Variants in ENTPD1 observed in about 807,000 individuals in gnomAD.
ENTPD1 encodes the protein ATP diphosphohydrolase.
ENTPD1 carries 33 observed loss-of-function variants against 57.0 expected under a neutral mutation model. The observed-to-expected ratio is 0.58, with a 90% CI of 0.44 to 0.77. The LOEUF is 0.77. ENTPD1 is among the 30% of genes least tolerant of loss of function. ENTPD1 has a pLI of 0.00. For missense variants in ENTPD1, 501 were observed against 603.4 expected (o/e 0.83, Z 1.78); for synonymous variants, 202 against 218.8 (o/e 0.92, Z 0.68).
chr10:95,705,808 A>G, the ENTPD1 span, among the ~76,000 whole-genome samples: 1 of 152,216 alleles, frequency 6.6e-6, no homozygotes, highest in Non-Finnish European at 1.5e-5. Context: ...GACAATCTAA[A>G]TGATAATCGT....
chr10:95,861,835 A>C (rs986316192), intron 8 of ENTPD1, among the ~76,000 whole-genome samples: 2 of 151,998 alleles, frequency 1.3e-5, no homozygotes, highest in Non-Finnish European at 2.9e-5. Flanking sequence ...TCTACTAAAA[A>C]TACAAAAAAA....
At chr10:95,731,671 A>G (rs1489450283) in intron 1 of ENTPD1, among the ~76,000 whole-genome samples, 1 of 151,258 alleles carries the variant, frequency 6.6e-6, no homozygotes, top group African/African-American at 2.4e-5. Flanking sequence ...TGTATTCTAC[A>G]CCTGTTTCCC....
chr10:95,717,597 C>T (rs2097972957), intron 1 of ENTPD1, among the ~76,000 whole-genome samples: 1 of 152,226 alleles, frequency 6.6e-6, no homozygotes, highest in East Asian at 1.9e-4. Context: ...AGTTGCAAGC[C>T]CCGTGTTTAA....
At chr10:95,729,323 A>G (rs150734160) in intron 1 of ENTPD1, among the ~76,000 whole-genome samples, 3 of 152,334 alleles carry the variant, frequency 2.0e-5, no homozygotes, top group African/African-American at 7.2e-5. Context: ...AGAGATTTTT[A>G]GAAAGTAATT....
chr10:95,853,945 A>C (rs545646270), intron 7 of ENTPD1, among the ~76,000 whole-genome samples: 4 of 152,348 alleles, frequency 2.6e-5, no homozygotes, highest in Admixed American at 6.5e-5. Context: ...TGCTGGCCTC[A>C]TAAAATGAGT....
At chr10:95,783,091 A>C (rs1297891499) in intron 1 of ENTPD1, among the ~76,000 whole-genome samples, 2 of 152,052 alleles carry the variant, frequency 1.3e-5, no homozygotes, top group African/African-American at 2.4e-5. Context: ...TTCTTTGAGG[A>C]TCAAAAAAGA....
rs202083137 is a variant in ENTPD1 at position 95,814,405 on chromosome 10, T to TCATTAA, written c.17-8827_17-8822dup. ...CTCTGTCACCATTTGATTTTTGCGA[T>TCATTAA]CATTAACATTTTTAGAGTCAGGTAT... On this transcript the variant is annotated intron_variant, in intron 1 of 9. Transcript: ENST00000371205. Among the ~76,000 whole-genome samples the TCATTAA allele has an allele frequency of 7.8e-3, 1,185 of 152,346 alleles. 16 individuals are homozygous for TCATTAA. The highest frequency in any genetic ancestry group is 0.027 in the African/African-American group (1,119 of 41,570).
At chr10:95,702,440 G>C in the ENTPD1 span, among the ~76,000 whole-genome samples, 1 of 151,962 alleles carries the variant, frequency 6.6e-6, no homozygotes, top group Non-Finnish European at 1.5e-5. Flanking sequence ...TATTTGTTAA[G>C]ATCTAGTATA....
upstream of ENTPD1, chr10:95,753,106 C>G (rs959954283): frequency 6.6e-6 from 1 of 152,076 alleles, no homozygotes; most frequent in Non-Finnish European, 1.5e-5. Context: ...AGACAAATAT[C>G]TTTACCCCTT....
intron 1 of ENTPD1, among the ~76,000 whole-genome samples, chr10:95,801,054 A>G (rs1436240303): frequency 2.0e-5 from 3 of 152,232 alleles, no homozygotes; most frequent in Non-Finnish European, 4.4e-5. Context: ...AAAGACAGGC[A>G]TAAGAAATTA....
the ENTPD1 span, among the ~76,000 whole-genome samples, chr10:95,702,114 C>G: frequency 6.6e-6 from 1 of 150,748 alleles, no homozygotes; most frequent in South Asian, 2.1e-4. Context: ...TTGATAAAAC[C>G]AATAGCTGGT....
intron 1 of ENTPD1, among the ~76,000 whole-genome samples, chr10:95,727,813 T>C (rs1039730788): frequency 1.3e-5 from 2 of 152,180 alleles, no homozygotes; most frequent in African/African-American, 4.8e-5. Flanking sequence ...TGCAATAATA[T>C]CATCTACCTA....
At chr10:95,750,952 G>C (rs1049908723), upstream of ENTPD1, among the ~76,000 whole-genome samples, 1 of 146,088 alleles carries the variant, frequency 6.8e-6, no homozygotes, top group Non-Finnish European at 1.5e-5. Flanking sequence ...GAACCTGGGA[G>C]GCGGAGGTTG....
At position 95,808,776 on chromosome 10, in the gene ENTPD1, G is replaced by A. The variant is rs141168959; in HGVS notation, c.17-14461G>A. On this transcript the variant is annotated intron_variant, in intron 1 of 9. Transcript: ENST00000371205. The stretch of plus-strand genomic sequence containing the variant: ...TTCTTGGGTGTTTCTCGGAGAGGGG[G>A]ATGTGGCAGGGTAATAGGACAATAG... 3.5e-3 allele frequency among the ~76,000 whole-genome samples: 525 copies of A among 151,882 alleles called. 4 individuals are homozygous for A. Among genetic ancestry groups the A allele is most frequent in the African/African-American group, 0.012 (499 of 41,368 alleles).
intron 1 of ENTPD1, among the ~76,000 whole-genome samples, chr10:95,807,793 G>A (rs887221725): frequency 2.0e-5 from 3 of 150,242 alleles, no homozygotes. Flanking sequence ...TGTTGAAGTT[G>A]TTAATCAGCT....
chr10:95,737,750 A>G (rs1214316172), intron 1 of ENTPD1, among the ~76,000 whole-genome samples: 4 of 152,128 alleles, frequency 2.6e-5, no homozygotes, highest in Non-Finnish European at 4.4e-5. Flanking sequence ...CATTCTAAAG[A>G]ATTTTGTTTT....
intron 1 of ENTPD1, among the ~76,000 whole-genome samples, chr10:95,822,124 T>G (rs1234192918): frequency 2.9e-5 from 4 of 138,474 alleles, no homozygotes; most frequent in South Asian, 4.8e-4. Context: ...CTCAGCCTCC[T>G]GAGTAGCTGG....
intron 1 of ENTPD1, among the ~76,000 whole-genome samples, chr10:95,766,640 A>G (rs1424000305): frequency 1.3e-5 from 2 of 151,926 alleles, no homozygotes; most frequent in Non-Finnish European, 2.9e-5. Context: ...CATTTGGCTG[A>G]TATATTTTGT....
chr10:95,741,592 C>T (rs1421847108), intron 1 of ENTPD1, among the ~76,000 whole-genome samples: 1 of 152,194 alleles, frequency 6.6e-6, no homozygotes, highest in South Asian at 2.1e-4. Context: ...ATCGCAACGT[C>T]TGTGAAACAC....
Sources: allele counts gnomAD v4.1 joint callset (sites outside exome capture counted in the v4.1 genomes callset), GRCh38; gene constraint gnomAD v4.1.1; transcripts MANE v1.5; gene names NCBI Gene and HGNC (gene_info 2026-07-23, HGNC 2026-07-21).